Variants in SPMIP8 observed in about 807,000 individuals in gnomAD.
SPMIP8 encodes the protein sperm microtubule inner protein 8, also known as testicular tissue protein Li 196.
the SPMIP8 span, among the ~76,000 whole-genome samples, chr16:57,979,080 G>C: frequency 2.9e-4 from 44 of 152,320 alleles, no homozygotes; most frequent in Non-Finnish European, 5.7e-4. Context: ...GGGCCTTCAG[G>C]GCAAAAGAGC....
chr16:57,985,208 G>C, the SPMIP8 span: 1 of 1,533,472 alleles, frequency 6.5e-7, no homozygotes, highest in African/African-American at 1.4e-5. Flanking sequence ...GTTCGCAGCG[G>C]AGGGTCTCAG....
chr16:57,978,005 T>A, the SPMIP8 span: 2 of 1,614,108 alleles, frequency 1.2e-6, no homozygotes, highest in Non-Finnish European at 8.5e-7. Flanking sequence ...GCCTTCCTGA[T>A]GAGCACTGCC....
At chr16:57,982,771 T>C in the SPMIP8 span, among the ~76,000 whole-genome samples, 8 of 152,380 alleles carry the variant, frequency 5.3e-5, no homozygotes, top group Middle Eastern at 3.4e-3. Context: ...GGCTCACGCC[T>C]GTAATCCCAG....
chr16:57,984,110 G>A, the SPMIP8 span, among the ~76,000 whole-genome samples: 2 of 145,756 alleles, frequency 1.4e-5, no homozygotes, highest in Non-Finnish European at 3.0e-5. Context: ...CACCATGTTG[G>A]CCAGTCTGGT....
the SPMIP8 span, chr16:57,984,725 G>A: frequency 6.2e-7 from 1 of 1,602,956 alleles, no homozygotes; most frequent in Non-Finnish European, 8.5e-7. Flanking sequence ...GAGTGGACTG[G>A]CCCTGCTTCA....
the SPMIP8 span, chr16:57,984,395 G>A: frequency 5.0e-6 from 8 of 1,613,254 alleles, no homozygotes; most frequent in Middle Eastern, 1.7e-4. Context: ...CCTTGGGTTT[G>A]CTAAGGGGCA....
At chr16:57,984,366 TGA>T in the SPMIP8 span, 1 of 1,614,198 alleles carries the variant, frequency 6.2e-7, no homozygotes, top group Non-Finnish European at 8.5e-7. Flanking sequence ...CAGTGTTTGG[TGA>T]GTGTCCTTTG....
the SPMIP8 span, among the ~76,000 whole-genome samples, chr16:57,977,225 C>T: frequency 2.6e-4 from 39 of 152,042 alleles, no homozygotes; most frequent in African/African-American, 2.4e-5. Flanking sequence ...GCCTGGCCAA[C>T]ACAGTGAAAC....
chr16:57,981,400 T>A, the SPMIP8 span, among the ~76,000 whole-genome samples: 6 of 142,480 alleles, frequency 4.2e-5, no homozygotes, highest in Non-Finnish European at 6.0e-5. Context: ...ATAATTATTA[T>A]TATTATAATA....
the SPMIP8 span, chr16:57,984,491 C>G: frequency 1.4e-5 from 21 of 1,516,078 alleles, no homozygotes; most frequent in Non-Finnish European, 1.9e-5. Context: ...CCCACATCAC[C>G]CCATCCGGGT....
At chr16:57,978,635 A>C in the SPMIP8 span, among the ~76,000 whole-genome samples, 1 of 152,020 alleles carries the variant, frequency 6.6e-6, no homozygotes, top group Non-Finnish European at 1.5e-5. Context: ...TGTTTTTTGA[A>C]GACAGTGTCT....
At chr16:57,978,673 T>C in the SPMIP8 span, among the ~76,000 whole-genome samples, 3 of 152,054 alleles carry the variant, frequency 2.0e-5, no homozygotes, top group Admixed American at 2.0e-4. Flanking sequence ...TGGAGTGCAG[T>C]AGCATGATCA....
the SPMIP8 span, among the ~76,000 whole-genome samples, chr16:57,977,468 C>G: frequency 2.6e-5 from 4 of 151,496 alleles, no homozygotes; most frequent in Admixed American, 6.6e-5. Context: ...CAAATACCAC[C>G]TCTTTTAGAC....
At chr16:57,983,043 T>C in the SPMIP8 span, among the ~76,000 whole-genome samples, 2 of 152,166 alleles carry the variant, frequency 1.3e-5, no homozygotes, top group Non-Finnish European at 2.9e-5. Flanking sequence ...AAAAAATTTT[T>C]TTTAAAGCAA....
At chr16:57,987,326 A>G in the SPMIP8 span, 1 of 1,406,422 alleles carries the variant, frequency 7.1e-7, no homozygotes, top group Non-Finnish European at 9.3e-7. Flanking sequence ...CAGATCCTAG[A>G]GGGGAAAAGC....
chr16:57,985,142 G>T, the SPMIP8 span: 1 of 1,380,496 alleles, frequency 7.2e-7, no homozygotes, highest in Non-Finnish European at 9.3e-7. Flanking sequence ...GGGCTTAGAT[G>T]AGGAGGCGGG....
the SPMIP8 span, chr16:57,985,196 C>G: frequency 6.6e-7 from 1 of 1,519,148 alleles, no homozygotes; most frequent in Non-Finnish European, 8.8e-7. Context: ...GAGGGGCTTT[C>G]TGTTCGCAGC....
At chr16:57,985,062 C>G in the SPMIP8 span, 2 of 1,091,074 alleles carry the variant, frequency 1.8e-6, no homozygotes, top group African/African-American at 1.8e-5. Flanking sequence ...GGTGGGGCAG[C>G]GGAGGCGGGA....
chr16:57,985,321 G>T, the SPMIP8 span: 1 of 1,559,606 alleles, frequency 6.4e-7, no homozygotes, highest in Admixed American at 1.9e-5. Flanking sequence ...GGGTCCTGGT[G>T]GGGAGCGGCT....
Sources: allele counts gnomAD v4.1 joint callset (sites outside exome capture counted in the v4.1 genomes callset), GRCh38; gene constraint gnomAD v4.1.1; transcripts MANE v1.5; gene names NCBI Gene and HGNC (gene_info 2026-07-23, HGNC 2026-07-21).